Variants in JAKMIP1 observed in about 807,000 individuals in gnomAD.
JAKMIP1 encodes the protein janus kinase and microtubule-interacting protein 1.
In JAKMIP1, 33 loss-of-function variants were observed where a neutral mutation model predicts 113.0. That is an observed-to-expected ratio of 0.29 (90% CI 0.22 to 0.39). The LOEUF (loss-of-function observed/expected upper bound fraction) is 0.39. JAKMIP1 is among the 10% of genes least tolerant of loss of function. The probability of loss-of-function intolerance (pLI) is 1.00; values close to 1 mark genes in which losing one functional copy is unlikely to be tolerated. For missense variants in JAKMIP1, 813 were observed against 1,080.5 expected, an observed-to-expected ratio of 0.75 and a Z score of 3.47; for synonymous variants, 480 against 459.9, an observed-to-expected ratio of 1.04 and a Z score of -0.56.
Position 6,040,749 on chromosome 4 carries a change from C to A in JAKMIP1, c.2098-33G>T. 1 of 1,564,306 alleles carries A rather than the reference C, an allele frequency of 6.4e-7. No homozygotes were observed. Among genetic ancestry groups the A allele is most frequent in the Middle Eastern group, 1.7e-4 (1 of 5,924 alleles). The stretch of plus-strand genomic sequence containing the variant: ...AGAGGGAGGCGCCATCAGGGACCAG[C>A]GTCAGAACAGGAATCCATGACAGCT... On this transcript the variant is annotated intron_variant, in intron 17 of 20. Coordinates refer to ENST00000409021, the MANE Select transcript of JAKMIP1 (RefSeq NM_001099433.2). The surrounding 1 kb of genome is among the most constrained non-coding windows in gnomAD (Gnocchi z 5.8).
At position 6,045,060 on chromosome 4, in the gene JAKMIP1, G is replaced by A. The variant is rs937225469; in HGVS notation, c.2029-2833C>T. Reference sequence around the variant, plus strand: ...CCCCGCCTCCCAGGGCCCCTCAGGTGCAGAGCCTGGATCCCCTGCAACTGG... The same window carrying A: ...CCCCGCCTCCCAGGGCCCCTCAGGTACAGAGCCTGGATCCCCTGCAACTGG... On this transcript the variant is annotated intron_variant, in intron 16 of 20. Coordinates refer to ENST00000409021, the MANE Select transcript of JAKMIP1 (RefSeq NM_001099433.2). Among the ~76,000 whole-genome samples the A allele has an allele frequency of 2.0e-5, 3 of 152,368 alleles. No individual in the cohort carries two copies. The South Asian group carries it at 6.2e-4, about 32-fold the overall frequency.
At chr4:6,117,049 G>A (rs1715893742) in intron 1 of JAKMIP1, among the ~76,000 whole-genome samples, 2 of 152,182 alleles carry the variant, frequency 1.3e-5, no homozygotes, top group Admixed American at 6.5e-5. Flanking sequence ...ATTAAGCCAA[G>A]AGCCAGGCCC....
chr4:6,047,673 A>C (rs1453401527), intron 16 of JAKMIP1, among the ~76,000 whole-genome samples: 1 of 152,212 alleles, frequency 6.6e-6, no homozygotes, highest in Non-Finnish European at 1.5e-5. Context: ...TGAGGGATTG[A>C]ACAGATGCCC....
At position 6,150,587 on chromosome 4, in the gene JAKMIP1, G is replaced by C. The variant is rs1721450106; in HGVS notation, c.-147-37590C>G. The C allele has an allele frequency of 6.6e-6, 1 of 152,240 alleles. No individual in the cohort carries two copies. The highest frequency in any genetic ancestry group is 2.4e-5 in the African/African-American group (1 of 41,428). 9.4% of individuals were successfully genotyped at this position (152,240 alleles called of 1,614,324 possible). A position where few individuals can be genotyped will look rare whatever the true frequency, so the allele number is the denominator to read the frequency against. ...GAGGCAGCTCCCACGGCGCTCAACG[G>C]ACTCCTGACCTTCATGAACAGACCA... On this transcript the variant is annotated intron_variant, in intron 1 of 20. Transcript: ENST00000409021. The surrounding 1 kb of genome is among the most constrained non-coding windows in gnomAD (Gnocchi z 4.8).
intron 2 of JAKMIP1, among the ~76,000 whole-genome samples, chr4:6,109,225 C>T (rs1315247313): frequency 6.7e-6 from 1 of 150,034 alleles, no homozygotes; most frequent in Non-Finnish European, 1.5e-5. Context: ...CTCTGCCTTC[C>T]AGGTTCACGC....
chr4:6,107,924 G>A (rs1293176271), intron 2 of JAKMIP1, among the ~76,000 whole-genome samples: 1 of 152,156 alleles, frequency 6.6e-6, no homozygotes, highest in Non-Finnish European at 1.5e-5. Flanking sequence ...TGGGTGAATG[G>A]AAGTCTGTTG....
At chr4:6,073,812 T>A (rs1019389661) in intron 8 of JAKMIP1, among the ~76,000 whole-genome samples, 3 of 152,208 alleles carry the variant, frequency 2.0e-5, no homozygotes, top group Non-Finnish European at 4.4e-5. Context: ...CCCAACCTTA[T>A]CCAAAATGAT....
chr4:6,189,046 C>T (rs1267546338), intron 1 of JAKMIP1, among the ~76,000 whole-genome samples: 5 of 152,190 alleles, frequency 3.3e-5, no homozygotes, highest in Admixed American at 6.5e-5. Context: ...ACTCACCCAG[C>T]GCCCTGGTCC....
At chr4:6,073,431 T>C (rs887059925) in intron 8 of JAKMIP1, among the ~76,000 whole-genome samples, 32 of 152,188 alleles carry the variant, frequency 2.1e-4, no homozygotes, top group Admixed American at 1.9e-3. Context: ...CTCCTTCCAA[T>C]GTGCTTTGAT....
chr4:6,039,342 T>C (rs1714000098), intron 18 of JAKMIP1, among the ~76,000 whole-genome samples: 1 of 152,154 alleles, frequency 6.6e-6, no homozygotes, highest in South Asian at 2.1e-4. Context: ...CTTGCTTACA[T>C]TCCTCTCGGA....
Position 6,179,278 on chromosome 4 carries a change from A to G in JAKMIP1, c.-148+20975T>C, listed in dbSNP as rs900095191. 1.1e-4 allele frequency among the ~76,000 whole-genome samples: 16 copies of G among 152,142 alleles called. No homozygotes were observed. Among genetic ancestry groups the G allele is most frequent in the Admixed American group, 8.5e-4 (13 of 15,288 alleles). The stretch of plus-strand genomic sequence containing the variant: ...ACTCTAACCCCTAAATGACTGCTTA[A>G]CCTCGTGGGGTCTTGGTTTCCTCCT... On this transcript the variant is annotated intron_variant, in intron 1 of 20. Coordinates refer to ENST00000409021, the MANE Select transcript of JAKMIP1 (RefSeq NM_001099433.2). This position sits in a 1 kb window ranked among gnomAD's most constrained non-coding sequence, Gnocchi z 4.5.
At chr4:6,052,650 T>TAA (rs762425260) in intron 13 of JAKMIP1, among the ~76,000 whole-genome samples, 2,615 of 53,922 alleles carry the variant, frequency 0.048, 217 homozygotes, top group African/African-American at 0.15. Context: ...GACTCTGTCC[T>TAA]AAAAAAAAAA....
chr4:6,087,897 T>C (rs1412501485), intron 3 of JAKMIP1, among the ~76,000 whole-genome samples: 2 of 152,120 alleles, frequency 1.3e-5, no homozygotes, highest in Admixed American at 6.5e-5. Flanking sequence ...CTGGTGATGA[T>C]CCACCAGCAT....
Position 6,136,016 on chromosome 4 carries a change from T to G in JAKMIP1, c.-147-23019A>C, listed in dbSNP as rs1003564156. Among the ~76,000 whole-genome samples, 2 of 151,962 alleles carry G rather than the reference T, an allele frequency of 1.3e-5. No individual in the cohort carries two copies. The highest frequency in any genetic ancestry group is 2.9e-5 in the Non-Finnish European group (2 of 67,980). On this transcript the variant is annotated intron_variant, in intron 1 of 20. Transcript: ENST00000409021. The surrounding 1 kb of genome is among the most constrained non-coding windows in gnomAD (Gnocchi z 5.9). ...ATCCCAGCACTTTGAGAGGCCAAGG[T>G]GGGTGGATCACTTGAGGTCAGGAGT...
intron 1 of JAKMIP1, among the ~76,000 whole-genome samples, chr4:6,177,993 T>G (rs528032066): frequency 6.6e-6 from 1 of 152,330 alleles, no homozygotes; most frequent in South Asian, 2.1e-4. Flanking sequence ...CCGGCTTCAC[T>G]TCCGGCTGCA....
Position 6,091,173 on chromosome 4 carries a change from C to T in JAKMIP1, c.625-5544G>A, listed in dbSNP as rs143115471. ...GGTGTGGGTGAATAGGAGAAATGAACGTTTGATTTTTTCACTCCTTCTCCT... is the reference window on the plus strand; with the variant it reads ...GGTGTGGGTGAATAGGAGAAATGAATGTTTGATTTTTTCACTCCTTCTCCT... On this transcript the variant is annotated intron_variant, in intron 3 of 20. Transcript: ENST00000409021. 3.9e-3 allele frequency among the ~76,000 whole-genome samples: 592 copies of T among 152,272 alleles called. 9 individuals are homozygous for T. Among genetic ancestry groups the T allele is most frequent in the African/African-American group, 0.013 (552 of 41,542 alleles).
chr4:6,123,289 G>A (rs1716961713), intron 1 of JAKMIP1, among the ~76,000 whole-genome samples: 1 of 152,190 alleles, frequency 6.6e-6, no homozygotes, highest in Non-Finnish European at 1.5e-5. Flanking sequence ...CCCCGTCCCA[G>A]GGGCACAGCT....
chr4:6,147,822 C>T (rs1721038457), intron 1 of JAKMIP1, among the ~76,000 whole-genome samples: 1 of 152,380 alleles, frequency 6.6e-6, no homozygotes, highest in African/African-American at 2.4e-5. Flanking sequence ...TTGTGCTTCC[C>T]TCTGACATGG....
chr4:6,128,127 G>A (rs545380239), intron 1 of JAKMIP1, among the ~76,000 whole-genome samples: 2 of 152,318 alleles, frequency 1.3e-5, no homozygotes, highest in South Asian at 4.1e-4. Context: ...GCCCGAGACA[G>A]AAACTGGCCA....
Sources: gnomAD v4.1 joint callset for allele counts (sites outside exome capture counted in the v4.1 genomes callset) on GRCh38, gnomAD v4.1.1 for gene constraint, Gnocchi (gnomAD v3.1) non-coding constraint, MANE v1.5 for transcripts, NCBI Gene and HGNC (gene_info 2026-07-23, HGNC 2026-07-21) for gene names.